The following PPL variants were observed in gnomAD, a reference collection of about 807,000 sequenced individuals.
PPL encodes periplakin, also known as 190 kDa paraneoplastic pemphigus antigen.
A neutral mutation model predicts 194.4 loss-of-function variants in PPL; 198 were observed. That is an observed-to-expected ratio of 1.02 (90% CI 0.91 to 1.15). The LOEUF (loss-of-function observed/expected upper bound fraction) is 1.15, where lower values mean the gene tolerates loss of function less well. Ranked by LOEUF, PPL falls within the 50% of genes most tolerant of loss-of-function variation. PPL has a pLI of 0.00. For missense variants in PPL, 2,885 were observed against 2,294.8 expected (o/e 1.26, Z -5.25); for synonymous variants, 1,220 against 972.4 (o/e 1.25, Z -4.74).
chr16:4,900,434 C>CTTTTTTT lies in PPL; in HGVS notation c.606+389_606+395dup, dbSNP rs1217002366. Among the ~76,000 whole-genome samples the CTTTTTTT allele has an allele frequency of 4.9e-4, 30 of 61,650 alleles. 4 individuals are homozygous for CTTTTTTT. The highest frequency in any genetic ancestry group is 2.3e-3 in the South Asian group (3 of 1,322). 40.4% of individuals were successfully genotyped at this position (61,650 alleles called of 152,430 possible). On this transcript the variant is annotated intron_variant, in intron 6 of 21. Coordinates refer to ENST00000345988, the MANE Select transcript of PPL (RefSeq NM_002705.5). The stretch of plus-strand genomic sequence containing the variant: ...CCTGATTGAAACGTTTACTGCACGC[C>CTTTTTTT]TTTTTTTTTTTTTTTTTTTTTTAAA...
chr16:4,924,724 A>C (rs1036665117), intron 1 of PPL, among the ~76,000 whole-genome samples: 2 of 152,166 alleles, frequency 1.3e-5, no homozygotes, highest in Admixed American at 6.5e-5. Context: ...AGACCGCAGC[A>C]AGACACCCTT....
intron 1 of PPL, among the ~76,000 whole-genome samples, chr16:4,922,472 G>GC (rs1023417903): frequency 2.2e-4 from 33 of 152,122 alleles, no homozygotes; most frequent in African/African-American, 7.7e-4. Flanking sequence ...GACCAGCCTG[G>GC]CCAACATAGT....
intron 17 of PPL, 100 bp from the exon 18 acceptor site, chr16:4,890,434 C>T (rs2088297796): frequency 7.3e-7 from 1 of 1,376,756 alleles, no homozygotes; most frequent in Non-Finnish European, 9.6e-7. Flanking sequence ...ATGTAACAAC[C>T]AGAAATACCC....
chr16:4,902,744 C>T lies in PPL; in HGVS notation c.318-218G>A, dbSNP rs578074337. On this transcript the variant is annotated intron_variant, in intron 3 of 21. Coordinates refer to ENST00000345988, the MANE Select transcript of PPL (RefSeq NM_002705.5). The surrounding 1 kb of genome is among the most constrained non-coding windows in gnomAD (Gnocchi z 4.0). The stretch of plus-strand genomic sequence containing the variant: ...TTGCTCTGTCACCCAGGCTGGAGTA[C>T]AGTGACGTCATCTCAGCTCATGGCA... 1.8e-4 allele frequency among the ~76,000 whole-genome samples: 27 copies of T among 151,286 alleles called. No individual in the cohort carries two copies. The South Asian group carries it at 5.6e-3, about 31-fold the overall frequency.
chr16:4,895,134 T>A (rs2088398344), intron 11 of PPL, 127 bp downstream of exon 11: 1 of 1,222,506 alleles, frequency 8.2e-7, no homozygotes, highest in Non-Finnish European at 1.1e-6. Context: ...AGGGGAAGGG[T>A]TGGCAGAGTG....
intron 1 of PPL, among the ~76,000 whole-genome samples, chr16:4,918,438 C>T (rs1279587815): frequency 6.6e-6 from 1 of 152,168 alleles, no homozygotes; most frequent in Non-Finnish European, 1.5e-5. Context: ...TGCTAGTTAA[C>T]TCCTAGAGAG....
Position 4,905,688 on chromosome 16 carries a change from A to G in PPL, c.163-1648T>C, listed in dbSNP as rs551274510. ...ACGTGGTGCCTGGTACGAAGTAAAG[A>G]CTTGGCTTCTTCTTGGAGGAAGAAA... is the stretch of plus-strand genomic sequence containing the variant. On this transcript the variant is annotated intron_variant, in intron 2 of 21. Coordinates refer to ENST00000345988, the MANE Select transcript of PPL (RefSeq NM_002705.5). Among the ~76,000 whole-genome samples the G allele has an allele frequency of 2.0e-5, 3 of 152,314 alleles. No individual in the cohort carries two copies. In the East Asian group the frequency reaches 5.8e-4, roughly 29 times the overall value.
intron 1 of PPL, among the ~76,000 whole-genome samples, chr16:4,912,562 T>A (rs1181113079): frequency 2.0e-5 from 3 of 152,254 alleles, no homozygotes; most frequent in Non-Finnish European, 4.4e-5. Flanking sequence ...TTACCTGATA[T>A]TTTTCTTTCA....
intron 4 of PPL, 139 bp from the exon 5 acceptor site, chr16:4,901,228 G>A: frequency 1.1e-6 from 1 of 919,500 alleles, no homozygotes; most frequent in Non-Finnish European, 1.6e-6. Flanking sequence ...GGAGATGCTG[G>A]CCACACCTTC....
At chr16:4,911,133 G>A (rs533161485) in intron 1 of PPL, among the ~76,000 whole-genome samples, 184 bp from the exon 2 acceptor site, 28 of 150,878 alleles carry the variant, frequency 1.9e-4, no homozygotes, top group African/African-American at 6.1e-4. Context: ...AGACAAGGCA[G>A]CGCCTGGCAG....
intron 4 of PPL, among the ~76,000 whole-genome samples, chr16:4,901,709 A>G (rs1187298523): frequency 5.5e-5 from 8 of 146,510 alleles, no homozygotes; most frequent in Non-Finnish European, 1.2e-4. Flanking sequence ...AAATAAATAA[A>G]TAATAAAACT....
chr16:4,909,513 G>T (rs545647606), intron 2 of PPL, among the ~76,000 whole-genome samples: 1 of 141,724 alleles, frequency 7.1e-6, no homozygotes, highest in Non-Finnish European at 1.5e-5. Context: ...TGCAACCTCC[G>T]CCTCCCGGGT....
At position 4,883,445 on chromosome 16, in the gene PPL, C is replaced by T. The variant is rs138719513; in HGVS notation, c.5210G>A (p.Arg1737His). 1.2e-4 allele frequency: 192 copies of T among 1,614,148 alleles called. No individual in the cohort carries two copies. Among genetic ancestry groups the T allele is most frequent in the Admixed American group, 2.0e-4 (12 of 60,024 alleles). Reference protein sequence around the residue: ...SGRLTPAQYDRYVNKDMSIQE... With the variant: ...SGRLTPAQYDHYVNKDMSIQE... The stretch of plus-strand genomic sequence containing the variant: ...GATGGACATATCCTTGTTGACATAG[C>T]GGTCATACTGAGCAGGGGTCAGCCT... The change falls in exon 22 of 22, where the codon CGC (arginine) becomes CAC (histidine). Residue 1737 changes from arginine to histidine, a missense_variant. Transcript: ENST00000345988. This position sits in a 1 kb window ranked among gnomAD's most constrained non-coding sequence, Gnocchi z 4.8.
At position 4,892,017 on chromosome 16, in the gene PPL, T is replaced by G; in HGVS notation, c.1829+18A>C. 6.2e-7 allele frequency: 1 copy of G among 1,611,958 alleles called. No homozygotes were observed. Among genetic ancestry groups the G allele is most frequent in the South Asian group, 1.1e-5 (1 of 91,024 alleles). On this transcript the variant is annotated intron_variant, in intron 15 of 21. Coordinates refer to ENST00000345988, the MANE Select transcript of PPL (RefSeq NM_002705.5). ...CCTGACCCCACCCCAACCTCCATGCTGCCTGTCTGCCACCCACTTCTCCTG... is the reference window on the plus strand; with the variant it reads ...CCTGACCCCACCCCAACCTCCATGCGGCCTGTCTGCCACCCACTTCTCCTG...
chr16:4,893,632 G>A lies in PPL; in HGVS notation c.1401C>T (p.Gly467=), dbSNP rs2088363511. 1 of 1,588,274 alleles carries A rather than the reference G, an allele frequency of 6.3e-7. No individual in the cohort carries two copies. The highest frequency in any genetic ancestry group is 1.1e-5 in the South Asian group (1 of 88,502). ...TCTGCCGCACGCTCCGGTACTGGCT[G>A]CCCAGGCTGTGAGGACAGAAATGAG... is the stretch of plus-strand genomic sequence containing the variant. ...PEALALADSL[G]SQYRSVRQKA... The change falls in exon 13 of 22, where the codon GGC becomes GGT. Residue 467 remains glycine (G), a synonymous_variant. Transcript: ENST00000345988.
chr16:4,883,649 A>T lies in PPL; in HGVS notation c.5006T>A (p.Leu1669Gln). The T allele has an allele frequency of 6.2e-7, 1 of 1,614,200 alleles. No homozygotes were observed. Among genetic ancestry groups the T allele is most frequent in the Non-Finnish European group, 8.5e-7 (1 of 1,180,026 alleles). ...VVIHPDTGRELSPEEAHRAGL... is the reference protein window; with the variant it reads ...VVIHPDTGREQSPEEAHRAGL... Reference sequence around the variant, plus strand: ...GGCACGGTGGGCTTCCTCCGGGGACAGCTCGCGGCCTGTGTCAGGGTGGAT... The same window carrying T: ...GGCACGGTGGGCTTCCTCCGGGGACTGCTCGCGGCCTGTGTCAGGGTGGAT... Residue 1669 changes from leucine to glutamine, a missense_variant, in exon 22 of 22, where the codon CTG becomes CAG. By Grantham distance (113) the Leu-to-Gln change is moderately radical. Coordinates refer to ENST00000345988, the MANE Select transcript of PPL (RefSeq NM_002705.5). The surrounding 1 kb of genome is among the most constrained non-coding windows in gnomAD (Gnocchi z 4.8).
intron 12 of PPL, 117 bp downstream of exon 12, chr16:4,894,350 T>G (rs912036098): frequency 3.1e-6 from 4 of 1,282,976 alleles, no homozygotes; most frequent in Non-Finnish European, 4.2e-6. Context: ...AGATGGAGAG[T>G]GTCAGCGACC....
At chr16:4,890,985 C>A (rs1395841200) in intron 16 of PPL, 64 bp from the exon 17 acceptor site, 3 of 1,388,042 alleles carry the variant, frequency 2.2e-6, no homozygotes, top group Non-Finnish European at 2.9e-6. Flanking sequence ...GGCGATGACA[C>A]CCACTGAAGC....
rs1254157382 is a variant in PPL, at chr16:4,893,538, C to A, written c.1492+3G>T. On this transcript the variant is annotated splice_donor_region_variant and intron_variant, in intron 13 of 21. Transcript: ENST00000345988. Reference sequence around the variant, plus strand: ...GCCTCAGGCGAGTGGCCCTGGCACCCACCTCCGGGATTCTCGGTCTTCAGC... The same window carrying A: ...GCCTCAGGCGAGTGGCCCTGGCACCAACCTCCGGGATTCTCGGTCTTCAGC... 2 of 1,612,132 alleles carry A rather than the reference C, an allele frequency of 1.2e-6. No homozygotes were observed. The highest frequency in any genetic ancestry group is 2.2e-5 in the East Asian group (1 of 44,832).
Sources: allele counts gnomAD v4.1 joint callset (sites outside exome capture counted in the v4.1 genomes callset), GRCh38; gene constraint gnomAD v4.1.1; non-coding constraint Gnocchi (gnomAD v3.1); transcripts MANE v1.5; gene names NCBI Gene and HGNC (gene_info 2026-07-23, HGNC 2026-07-21).